CNTN5: variants seen among roughly 807,000 people sequenced by gnomAD.
The protein encoded by CNTN5 is contactin-5.
In CNTN5, 77 loss-of-function variants were observed where a neutral mutation model predicts 129.1. The ratio of observed to expected loss-of-function variants is 0.60; its 90% CI spans 0.50 to 0.72. CNTN5 has a LOEUF of 0.72. CNTN5 is among the 30% of genes least tolerant of loss of function. The probability of loss-of-function intolerance (pLI) is 0.00; values close to 1 mark genes in which losing one functional copy is unlikely to be tolerated. For missense variants in CNTN5, 1,478 were observed against 1,328.8 expected (o/e 1.11, Z -1.75); for synonymous variants, 509 against 465.6 (o/e 1.09, Z -1.20).
chr11:99,258,441 A>C (rs1344458430), intron 1 of CNTN5, among the ~76,000 whole-genome samples: 1 of 152,042 alleles, frequency 6.6e-6, no homozygotes, highest in Admixed American at 6.6e-5. Context: ...TATTCTTAAG[A>C]GTTTATTATT....
intron 3 of CNTN5, among the ~76,000 whole-genome samples, chr11:99,677,992 A>G (rs1375768400): frequency 6.6e-6 from 1 of 152,090 alleles, no homozygotes; most frequent in Admixed American, 6.6e-5. Flanking sequence ...TTATGCTTCT[A>G]CTGAAGCACT....
At chr11:99,037,650 G>A (rs554163818) in intron 1 of CNTN5, among the ~76,000 whole-genome samples, 3 of 142,228 alleles carry the variant, frequency 2.1e-5, no homozygotes, top group African/African-American at 5.3e-5. Context: ...ATGCGATCTC[G>A]GTTCACAGCA....
chr11:100,285,653 T>G (rs541368927), intron 18 of CNTN5, among the ~76,000 whole-genome samples: 1 of 152,352 alleles, frequency 6.6e-6, no homozygotes, highest in Admixed American at 6.5e-5. Context: ...GCTTTCTAGT[T>G]ATTTTTTTCC....
chr11:99,522,244 TA>T (rs895245001), intron 2 of CNTN5, among the ~76,000 whole-genome samples: 22 of 152,150 alleles, frequency 1.4e-4, no homozygotes, highest in African/African-American at 5.3e-4. Context: ...AGTTTATAAT[TA>T]AAATACCATC....
chr11:99,806,172 G>A (rs957799248), intron 3 of CNTN5, among the ~76,000 whole-genome samples: 1 of 152,072 alleles, frequency 6.6e-6, no homozygotes, highest in South Asian at 2.1e-4. Context: ...AATATTCACT[G>A]ACTTTCTCCC....
At chr11:99,286,647 T>C (rs1038718447) in intron 1 of CNTN5, among the ~76,000 whole-genome samples, 3 of 152,180 alleles carry the variant, frequency 2.0e-5, no homozygotes, top group African/African-American at 4.8e-5. Flanking sequence ...AGAAGCCTAA[T>C]GTTTACAAAC....
At chr11:100,168,272 C>T (rs1270632994) in intron 13 of CNTN5, among the ~76,000 whole-genome samples, 4 of 151,918 alleles carry the variant, frequency 2.6e-5, no homozygotes, top group Non-Finnish European at 5.9e-5. Flanking sequence ...AGTAGATTTT[C>T]AATGTAGACA....
At chr11:99,678,050 A>G (rs1953372024) in intron 3 of CNTN5, among the ~76,000 whole-genome samples, 1 of 152,050 alleles carries the variant, frequency 6.6e-6, no homozygotes, top group Admixed American at 6.6e-5. Context: ...ATGATTTTTG[A>G]TACTTATATG....
intron 3 of CNTN5, among the ~76,000 whole-genome samples, chr11:99,737,562 TC>T: frequency 6.6e-6 from 1 of 152,300 alleles, no homozygotes; most frequent in Admixed American, 6.5e-5. Context: ...GTTTATTAGT[TC>T]TGAAACATAG....
intron 3 of CNTN5, among the ~76,000 whole-genome samples, chr11:99,731,562 A>G (rs1461610061): frequency 6.6e-6 from 1 of 152,176 alleles, no homozygotes; most frequent in Non-Finnish European, 1.5e-5. Context: ...GGAGGATAGC[A>G]GTGCTATATC....
intron 2 of CNTN5, among the ~76,000 whole-genome samples, chr11:99,525,736 G>A (rs967611721): frequency 1.3e-5 from 2 of 152,214 alleles, no homozygotes; most frequent in East Asian, 1.9e-4. Flanking sequence ...GCCAGGCAGA[G>A]AGCCAATAAT....
chr11:99,602,137 A>G, intron 3 of CNTN5, among the ~76,000 whole-genome samples: 1 of 152,164 alleles, frequency 6.6e-6, no homozygotes. Flanking sequence ...AATCATGTAG[A>G]TTACTGAAGA....
chr11:99,633,203 C>T (rs150104599), intron 3 of CNTN5, among the ~76,000 whole-genome samples: 27 of 152,164 alleles, frequency 1.8e-4, no homozygotes, highest in South Asian at 4.1e-4. Context: ...CATAATAAAC[C>T]TGACAAGAAT....
chr11:100,151,453 T>C (rs988646870), intron 13 of CNTN5, among the ~76,000 whole-genome samples: 4 of 152,070 alleles, frequency 2.6e-5, no homozygotes, highest in African/African-American at 9.7e-5. Flanking sequence ...ATAGAAACTC[T>C]AGTTAGTTAT....
chr11:99,568,111 T>C, intron 3 of CNTN5, among the ~76,000 whole-genome samples: 1 of 152,166 alleles, frequency 6.6e-6, no homozygotes, highest in East Asian at 1.9e-4. Flanking sequence ...AAAATATTTA[T>C]TGAAAAATAT....
At position 99,642,712 on chromosome 11, in the gene CNTN5, A is replaced by G. The variant is rs117786042; in HGVS notation, c.55+86443A>G. ...CAAAACTTATTCCTCCTGTCTAACTATAACTTTGTACACATTGACCAACCT... is the reference window on the plus strand; with the variant it reads ...CAAAACTTATTCCTCCTGTCTAACTGTAACTTTGTACACATTGACCAACCT... On this transcript the variant is annotated intron_variant, in intron 3 of 24. Coordinates refer to ENST00000524871, the MANE Select transcript of CNTN5 (RefSeq NM_014361.4). Among the ~76,000 whole-genome samples, 38 of 152,250 alleles carry G rather than the reference A, an allele frequency of 2.5e-4. No homozygotes were observed. The East Asian group carries it at 6.0e-3, about 24-fold the overall frequency.
intron 6 of CNTN5, among the ~76,000 whole-genome samples, chr11:99,847,255 G>T (rs566461305): frequency 6.6e-6 from 1 of 152,206 alleles, no homozygotes; most frequent in African/African-American, 2.4e-5. Context: ...ATATCCATAT[G>T]ACTGTCCTAG....
chr11:99,800,922 C>T (rs1188487450), intron 3 of CNTN5, among the ~76,000 whole-genome samples: 4 of 151,982 alleles, frequency 2.6e-5, no homozygotes, highest in Admixed American at 6.5e-5. Context: ...GACCTTCTGT[C>T]TTCAAGATTA....
chr11:99,537,776 A>G (rs967905724), intron 2 of CNTN5, among the ~76,000 whole-genome samples: 4 of 152,160 alleles, frequency 2.6e-5, no homozygotes, highest in Non-Finnish European at 2.9e-5. Flanking sequence ...CATGTTAGGA[A>G]CACAGTACCC....
Sources: allele counts gnomAD v4.1 joint callset (sites outside exome capture counted in the v4.1 genomes callset), GRCh38; gene constraint gnomAD v4.1.1; transcripts MANE v1.5; gene names NCBI Gene and HGNC (gene_info 2026-07-23, HGNC 2026-07-21).